The following SPAG16 variants were observed in gnomAD, a reference collection of about 807,000 sequenced individuals.
SPAG16 encodes sperm-associated antigen 16 protein.
A neutral mutation model predicts 80.4 loss-of-function variants in SPAG16; 86 were observed. The ratio of observed to expected loss-of-function variants is 1.07; its 90% CI spans 0.90 to 1.28. The LOEUF is 1.28. SPAG16 is among the 50% of genes most tolerant of loss of function. SPAG16 has a pLI of 0.00. For missense variants in SPAG16, 870 were observed against 765.3 expected, an observed-to-expected ratio of 1.14 and a Z score of -1.61; for synonymous variants, 294 against 265.9, an observed-to-expected ratio of 1.11 and a Z score of -1.03.
At chr2:213,761,410 C>T (rs1390540567) in intron 10 of SPAG16, among the ~76,000 whole-genome samples, 2 of 151,906 alleles carry the variant, frequency 1.3e-5, no homozygotes, top group Non-Finnish European at 2.9e-5. Context: ...AAAATTCGAC[C>T]AGAGATAAAC....
intron 15 of SPAG16, among the ~76,000 whole-genome samples, chr2:214,247,756 G>T (rs1559153746): frequency 6.6e-6 from 1 of 152,064 alleles, no homozygotes; most frequent in Non-Finnish European, 1.5e-5. Context: ...CGAGATCCAG[G>T]CATGGTGGCT....
intron 15 of SPAG16, chr2:214,240,985 TA>T (rs1158725824): frequency 6.6e-6 from 1 of 152,102 alleles, no homozygotes; most frequent in Non-Finnish European, 1.5e-5. Context: ...TTTTATGAAA[TA>T]TGAGTAACGG....
chr2:214,069,255 A>G (rs1301374348), intron 13 of SPAG16, among the ~76,000 whole-genome samples: 1 of 152,168 alleles, frequency 6.6e-6, no homozygotes, highest in African/African-American at 2.4e-5. Flanking sequence ...CTTTGAGGCC[A>G]TTGAAAGGGT....
At chr2:214,380,887 AGAG>A (rs1282218562) in intron 15 of SPAG16, among the ~76,000 whole-genome samples, 1 of 152,212 alleles carries the variant, frequency 6.6e-6, no homozygotes, top group Non-Finnish European at 1.5e-5. Flanking sequence ...TTTGCTCTCC[AGAG>A]GAGAATTTAT....
chr2:214,081,837 A>ATTTTTTTTTT (rs35141566), intron 13 of SPAG16, among the ~76,000 whole-genome samples: 1 of 148,976 alleles, frequency 6.7e-6, no homozygotes. Context: ...TACTCATTGT[A>ATTTTTTTTTT]TTTTTTTTTT....
At chr2:213,769,231 AT>A (rs1359999426) in intron 10 of SPAG16, among the ~76,000 whole-genome samples, 1 of 152,180 alleles carries the variant, frequency 6.6e-6, no homozygotes, top group African/African-American at 2.4e-5. Context: ...TTAATTTTAT[AT>A]TACCAATTCT....
chr2:214,364,351 C>T (rs1419736210), intron 15 of SPAG16, among the ~76,000 whole-genome samples: 1 of 152,128 alleles, frequency 6.6e-6, no homozygotes, highest in African/African-American at 2.4e-5. Flanking sequence ...GTCACGCTTT[C>T]TCCTTAAAAT....
intron 10 of SPAG16, among the ~76,000 whole-genome samples, chr2:213,605,682 G>T (rs1400257940): frequency 2.0e-5 from 3 of 151,920 alleles, no homozygotes; most frequent in Non-Finnish European, 4.4e-5. Context: ...GCAGAGATGG[G>T]GTTTCACTGT....
intron 15 of SPAG16, among the ~76,000 whole-genome samples, chr2:214,178,760 G>A (rs553071894): frequency 6.6e-6 from 1 of 151,340 alleles, no homozygotes; most frequent in Non-Finnish European, 1.5e-5. Flanking sequence ...AGTATTCGAA[G>A]CTGAATTTCC....
chr2:214,352,556 C>CTGTGTGTGTGTG (rs71409878), intron 15 of SPAG16, among the ~76,000 whole-genome samples: 1,495 of 95,842 alleles, frequency 0.016, 12 homozygotes, highest in Admixed American at 0.021. Context: ...GACTTTTTTT[C>CTGTGTGTGTGTG]TCTGTGTGTG....
rs568835202 is a variant in SPAG16 at position 214,203,195 on chromosome 2, TC to T, written c.1720+53931del. Among the ~76,000 whole-genome samples, 909 of 152,344 alleles carry T rather than the reference TC, an allele frequency of 6.0e-3. 11 individuals are homozygous for T. Among genetic ancestry groups the T allele is most frequent in the Non-Finnish European group, 9.0e-3 (615 of 68,034 alleles). On this transcript the variant is annotated intron_variant, in intron 15 of 15. Transcript: ENST00000331683. Reference sequence around the variant, plus strand: ...TCATGATAAATATAATTGGATGATGTCCAATTTAAACATAAACTTCCATATT... The same window carrying T: ...TCATGATAAATATAATTGGATGATGTCAATTTAAACATAAACTTCCATATT...
At chr2:213,857,939 A>C (rs2075248422) in intron 10 of SPAG16, among the ~76,000 whole-genome samples, 1 of 152,214 alleles carries the variant, frequency 6.6e-6, no homozygotes, top group African/African-American at 2.4e-5. Flanking sequence ...AGGAAGTCAC[A>C]TCAGATGTGA....
At chr2:213,832,951 A>G (rs1321131335) in intron 10 of SPAG16, among the ~76,000 whole-genome samples, 4 of 152,120 alleles carry the variant, frequency 2.6e-5, no homozygotes, top group Non-Finnish European at 5.9e-5. Flanking sequence ...TACACTATCT[A>G]CAATGCAAAT....
intron 10 of SPAG16, among the ~76,000 whole-genome samples, chr2:213,705,882 A>G (rs1015950809): frequency 6.6e-6 from 1 of 152,152 alleles, no homozygotes; most frequent in African/African-American, 2.4e-5. Context: ...CCTACAATTT[A>G]TGCAAATCCC....
intron 15 of SPAG16, among the ~76,000 whole-genome samples, chr2:214,341,925 G>C (rs1250989238): frequency 6.6e-6 from 1 of 152,110 alleles, no homozygotes; most frequent in Non-Finnish European, 1.5e-5. Context: ...GGCTCTGGCA[G>C]GGAGGTCTCC....
At chr2:214,184,617 G>T (rs559779785) in intron 15 of SPAG16, among the ~76,000 whole-genome samples, 2 of 152,088 alleles carry the variant, frequency 1.3e-5, no homozygotes, top group South Asian at 4.2e-4. Flanking sequence ...CAGTTTCAGG[G>T]CCAAAAACAA....
At chr2:213,398,186 C>A (rs2068138831) in intron 9 of SPAG16, among the ~76,000 whole-genome samples, 1 of 150,320 alleles carries the variant, frequency 6.7e-6, no homozygotes, top group Non-Finnish European at 1.5e-5. Context: ...TTTTTTGCCA[C>A]CGTCTGTAGT....
chr2:214,134,379 T>A (rs2054939919), intron 14 of SPAG16, among the ~76,000 whole-genome samples: 1 of 152,220 alleles, frequency 6.6e-6, no homozygotes, highest in Non-Finnish European at 1.5e-5. Context: ...ACAGGCTATT[T>A]GTATTTCAAC....
chr2:213,566,313 T>C (rs115383556), intron 10 of SPAG16, among the ~76,000 whole-genome samples: 2,210 of 152,260 alleles, frequency 0.015, 23 homozygotes, highest in South Asian at 0.036. Context: ...AAACGTTATA[T>C]TATTAGTATT....
Sources: allele counts gnomAD v4.1 joint callset (sites outside exome capture counted in the v4.1 genomes callset), GRCh38; gene constraint gnomAD v4.1.1; transcripts MANE v1.5; gene names NCBI Gene and HGNC (gene_info 2026-07-23, HGNC 2026-07-21).